The following MYOF variants were observed in gnomAD, a reference collection of about 807,000 sequenced individuals.
The protein encoded by MYOF is fer-1-like 3, myoferlin.
Under a neutral mutation model 284.2 loss-of-function variants are expected in MYOF, and 244 were observed. The observed-to-expected ratio is 0.86, with a 90% CI of 0.77 to 0.95. MYOF has a LOEUF of 0.95. Among genes scored for constraint, MYOF ranks in the 40% least tolerant of loss-of-function variants. The pLI is 0.00. For synonymous variants in MYOF, 904 were observed against 919.7 expected, an observed-to-expected ratio of 0.98 and a Z score of 0.31; for missense variants, 2,496 against 2,560.6, an observed-to-expected ratio of 0.97 and a Z score of 0.54.
chr10:93,361,504 T>C lies in MYOF; in HGVS notation c.2922A>G (p.Glu974=), dbSNP rs759424787. 6.2e-7 allele frequency: 1 copy of C among 1,614,086 alleles called. No homozygotes were observed. Among genetic ancestry groups the C allele is most frequent in the African/African-American group, 1.3e-5 (1 of 74,940 alleles). The part of the protein sequence containing the change: ...PSELTCPPGW[E]WEDDAWSYDI... Reference sequence around the variant, plus strand: ...CATAAGACCATGCATCATCTTCCCATTCCCAACCTGGAGGACAAGTCAACT... The same window carrying C: ...CATAAGACCATGCATCATCTTCCCACTCCCAACCTGGAGGACAAGTCAACT... The change falls in exon 28 of 54, where the codon GAA becomes GAG. Residue 974 remains glutamate, a synonymous_variant. Transcript: ENST00000359263.
chr10:93,404,315 A>G, intron 7 of MYOF, 96 bp from the exon 8 acceptor site: 1 of 1,288,642 alleles, frequency 7.8e-7, no homozygotes, highest in South Asian at 1.3e-5. Context: ...TAAAAAATGC[A>G]AAACACAAAT....
At chr10:93,442,972 A>G (rs1033818472) in intron 3 of MYOF, among the ~76,000 whole-genome samples, 2 of 152,106 alleles carry the variant, frequency 1.3e-5, no homozygotes, top group Non-Finnish European at 2.9e-5. Flanking sequence ...CAGCCTGGCC[A>G]AAATGGTGAA....
chr10:93,459,497 C>A (rs377070426), intron 1 of MYOF, among the ~76,000 whole-genome samples: 2 of 152,236 alleles, frequency 1.3e-5, no homozygotes, highest in African/African-American at 4.8e-5. Context: ...GAGTAGTTAA[C>A]CTGCCTTCAA....
chr10:93,410,596 A>G (rs1319896391), intron 5 of MYOF, among the ~76,000 whole-genome samples: 1 of 151,842 alleles, frequency 6.6e-6, no homozygotes, highest in Non-Finnish European at 1.5e-5. Flanking sequence ...CCAAAAATCA[A>G]CTCTGCCTAC....
At chr10:93,438,037 A>G (rs1201365628) in intron 3 of MYOF, among the ~76,000 whole-genome samples, 1 of 151,910 alleles carries the variant, frequency 6.6e-6, no homozygotes, top group African/African-American at 2.4e-5. Flanking sequence ...TTAGCAAACA[A>G]CCCCCATCCG....
At chr10:93,460,047 T>C (rs562745565) in intron 1 of MYOF, among the ~76,000 whole-genome samples, 1 of 151,814 alleles carries the variant, frequency 6.6e-6, no homozygotes, top group South Asian at 2.1e-4. Flanking sequence ...AGGCAGAAAA[T>C]AATGCAATAG....
At chr10:93,423,790 G>A (rs1178008429) in intron 5 of MYOF, among the ~76,000 whole-genome samples, 40 of 149,018 alleles carry the variant, frequency 2.7e-4, no homozygotes, top group African/African-American at 9.7e-4. Context: ...CCGAGATCGT[G>A]CCACTGCACT....
chr10:93,392,151 C>T (rs1029052631), intron 17 of MYOF, among the ~76,000 whole-genome samples: 2 of 152,160 alleles, frequency 1.3e-5, no homozygotes, highest in African/African-American at 2.4e-5. Flanking sequence ...TTGTTTAAAG[C>T]AAATAAGAAT....
intron 17 of MYOF, among the ~76,000 whole-genome samples, chr10:93,391,717 C>A (rs1846691281): frequency 6.6e-6 from 1 of 152,182 alleles, no homozygotes; most frequent in Non-Finnish European, 1.5e-5. Context: ...TTCCCAATGT[C>A]CTTGCTGAAA....
chr10:93,402,405 G>T, intron 10 of MYOF, 58 bp from the exon 11 acceptor site: 1 of 1,333,968 alleles, frequency 7.5e-7, no homozygotes, highest in Non-Finnish European at 1.1e-6. Context: ...TGATAAGTCT[G>T]TGATTCCTCT....
At chr10:93,412,560 C>T (rs1265040407) in intron 5 of MYOF, among the ~76,000 whole-genome samples, 2 of 152,166 alleles carry the variant, frequency 1.3e-5, no homozygotes, top group African/African-American at 4.8e-5. Context: ...CTCTCTCCTA[C>T]CCGCCACACA....
Position 93,456,950 on chromosome 10 carries a change from T to C in MYOF, c.89-13A>G, listed in dbSNP as rs1347699133. The stretch of plus-strand genomic sequence containing the variant: ...TTCTTTTTCTCATCTGCAAAAGAGA[T>C]AAAGGAAGAGACAGCAATCATTTAT... On this transcript the variant is annotated splice_polypyrimidine_tract_variant and intron_variant, in intron 1 of 53. Coordinates refer to ENST00000359263, the MANE Select transcript of MYOF (RefSeq NM_013451.4). 2.5e-6 allele frequency: 4 copies of C among 1,590,182 alleles called. No homozygotes were observed. The highest frequency in any genetic ancestry group is 1.7e-5 in the Admixed American group (1 of 58,918).
At chr10:93,355,855 G>T (rs974580911) in intron 30 of MYOF, 119 bp from the exon 31 acceptor site, 1 of 677,362 alleles carries the variant, frequency 1.5e-6, no homozygotes, top group African/African-American at 1.8e-5. Context: ...AGATGTTATC[G>T]TGCAAACACC....
chr10:93,366,693 T>C, intron 25 of MYOF, 138 bp from the exon 26 acceptor site: 2 of 678,742 alleles, frequency 2.9e-6, no homozygotes, highest in South Asian at 4.1e-5. Flanking sequence ...TCAGAAGGTA[T>C]GGACCTAACT....
chr10:93,463,399 T>A (rs914967149), intron 1 of MYOF, among the ~76,000 whole-genome samples: 32 of 142,702 alleles, frequency 2.2e-4, no homozygotes, highest in African/African-American at 7.0e-4. Flanking sequence ...TACAAATTTT[T>A]TTTTTTTTTT....
chr10:93,328,039 A>C (rs1589392980), intron 45 of MYOF, among the ~76,000 whole-genome samples: 1 of 152,054 alleles, frequency 6.6e-6, no homozygotes, highest in East Asian at 1.9e-4. Flanking sequence ...CAAAGTGCTG[A>C]GATTACAGGT....
intron 3 of MYOF, among the ~76,000 whole-genome samples, chr10:93,435,315 C>T (rs112449467): frequency 2.0e-5 from 3 of 152,296 alleles, no homozygotes; most frequent in East Asian, 1.9e-4. Flanking sequence ...GTTGGACCAG[C>T]GTGTCTCGAC....
In MYOF at chr10:93,436,776, C is replaced by T. The variant is rs189019915; in HGVS notation, c.237-5260G>A. 2.2e-3 allele frequency among the ~76,000 whole-genome samples: 338 copies of T among 152,284 alleles called. 1 individual carries two copies. The highest frequency in any genetic ancestry group is 4.3e-3 in the Non-Finnish European group (293 of 68,022). On this transcript the variant is annotated intron_variant, in intron 3 of 53. Coordinates refer to ENST00000359263, the MANE Select transcript of MYOF (RefSeq NM_013451.4). The stretch of plus-strand genomic sequence containing the variant: ...ACACAGGGGATAAGAACAGTTTGGT[C>T]TGACCATAAGCCAATTTCCTTTAAA...
chr10:93,390,551 T>A (rs1217507497), intron 17 of MYOF, among the ~76,000 whole-genome samples: 1 of 152,218 alleles, frequency 6.6e-6, no homozygotes, highest in Admixed American at 6.5e-5. Flanking sequence ...TGAATCATGT[T>A]ATCATCTTCA....
Sources: allele counts gnomAD v4.1 joint callset (sites outside exome capture counted in the v4.1 genomes callset), GRCh38; gene constraint gnomAD v4.1.1; transcripts MANE v1.5; gene names NCBI Gene and HGNC (gene_info 2026-07-23, HGNC 2026-07-21).